Variants in ARHGAP21 observed in about 807,000 individuals in gnomAD.
ARHGAP21 encodes the protein rho GTPase-activating protein 21.
Under a neutral mutation model 164.6 loss-of-function variants are expected in ARHGAP21, and 38 were observed. The ratio of observed to expected loss-of-function variants is 0.23; its 90% CI spans 0.18 to 0.30. The LOEUF is 0.30. ARHGAP21 is among the 10% of genes least tolerant of loss of function. ARHGAP21 has a pLI of 1.00. For synonymous variants in ARHGAP21, 766 were observed against 857.9 expected, an observed-to-expected ratio of 0.89 and a Z score of 1.87; for missense variants, 1,822 against 2,370.7, an observed-to-expected ratio of 0.77 and a Z score of 4.81.
chr10:24,630,798 A>G (rs547518637), intron 6 of ARHGAP21, among the ~76,000 whole-genome samples: 13 of 152,256 alleles, frequency 8.5e-5, no homozygotes, highest in Non-Finnish European at 1.9e-4. Context: ...CAGCCAAGTA[A>G]TATTAAACAT....
intron 2 of ARHGAP21, among the ~76,000 whole-genome samples, chr10:24,718,530 T>C (rs559536303): frequency 1.5e-4 from 23 of 151,428 alleles, no homozygotes; most frequent in African/African-American, 4.4e-4. Context: ...AAGAGGCAGA[T>C]AGAGAGGGAG....
chr10:24,635,307 A>C (rs1836264034), intron 4 of ARHGAP21, among the ~76,000 whole-genome samples: 1 of 152,170 alleles, frequency 6.6e-6, no homozygotes, highest in African/African-American at 2.4e-5. Flanking sequence ...CATAATGACA[A>C]CCACAACACT....
At chr10:24,656,001 G>C (rs1260890776) in intron 4 of ARHGAP21, among the ~76,000 whole-genome samples, 1 of 141,618 alleles carries the variant, frequency 7.1e-6, no homozygotes, top group Admixed American at 6.8e-5. Context: ...TGAGAAGTGA[G>C]GAGCCCCTCC....
At chr10:24,693,355 G>A (rs970554936) in intron 2 of ARHGAP21, among the ~76,000 whole-genome samples, 85 of 148,406 alleles carry the variant, frequency 5.7e-4, no homozygotes, top group African/African-American at 2.0e-3. Context: ...TTTTTTTTGA[G>A]ACAGAGTTTT....
intron 4 of ARHGAP21, among the ~76,000 whole-genome samples, chr10:24,661,792 C>T (rs770014498): frequency 2.0e-5 from 3 of 152,146 alleles, no homozygotes; most frequent in Non-Finnish European, 4.4e-5. Context: ...TAGTTTGTTT[C>T]TGAATAGGTT....
intron 4 of ARHGAP21, among the ~76,000 whole-genome samples, chr10:24,662,034 G>A (rs1593210589): frequency 6.6e-6 from 1 of 152,280 alleles, no homozygotes; most frequent in Middle Eastern, 3.4e-3. Flanking sequence ...GGAGCACTAG[G>A]ACTCCATAAC....
intron 4 of ARHGAP21, among the ~76,000 whole-genome samples, chr10:24,653,184 T>C (rs183985029): frequency 6.6e-6 from 1 of 152,282 alleles, no homozygotes; most frequent in African/African-American, 2.4e-5. Flanking sequence ...ATATGGAACA[T>C]TTCTATTATG....
chr10:24,639,438 G>A (rs540024231), intron 4 of ARHGAP21, among the ~76,000 whole-genome samples: 2 of 152,094 alleles, frequency 1.3e-5, no homozygotes, highest in Non-Finnish European at 2.9e-5. Context: ...ATAATATCTA[G>A]TACATGCAGG....
chr10:24,648,073 A>G (rs747481959), intron 4 of ARHGAP21, among the ~76,000 whole-genome samples: 1 of 152,096 alleles, frequency 6.6e-6, no homozygotes. Context: ...TCCTGACCTC[A>G]GGTGATCCAC....
chr10:24,612,932 C>T (rs1161032967), intron 9 of ARHGAP21, among the ~76,000 whole-genome samples: 1 of 152,078 alleles, frequency 6.6e-6, no homozygotes, highest in Admixed American at 6.6e-5. Flanking sequence ...CTGAGATATA[C>T]ACTCAATTTA....
intron 2 of ARHGAP21, among the ~76,000 whole-genome samples, chr10:24,687,827 G>A (rs908826268): frequency 6.6e-6 from 1 of 152,142 alleles, no homozygotes; most frequent in East Asian, 1.9e-4. Flanking sequence ...TATAGGCTAC[G>A]GAAGAAAAAG....
intron 4 of ARHGAP21, among the ~76,000 whole-genome samples, chr10:24,650,228 AGGCGCAGT>A (rs1309185449): frequency 4.6e-5 from 7 of 152,216 alleles, no homozygotes; most frequent in Non-Finnish European, 7.3e-5. Context: ...TGTTGGAGCC[AGGCGCAGT>A]GGCTCATGCC....
At chr10:24,601,828 CT>C in intron 13 of ARHGAP21, 149 bp downstream of exon 13, 6 of 1,021,418 alleles carry the variant, frequency 5.9e-6, no homozygotes, top group Non-Finnish European at 6.4e-6. Context: ...TTAAGGAATA[CT>C]TTTTTTAATG....
intron 25 of ARHGAP21, among the ~76,000 whole-genome samples, chr10:24,587,097 A>C (rs2076135241): frequency 6.6e-6 from 1 of 152,138 alleles, no homozygotes; most frequent in Non-Finnish European, 1.5e-5. Flanking sequence ...TTACCACAGA[A>C]ACACTGTAGT....
chr10:24,699,565 T>C (rs1478607015), intron 2 of ARHGAP21, among the ~76,000 whole-genome samples: 1 of 152,110 alleles, frequency 6.6e-6, no homozygotes, highest in East Asian at 1.9e-4. Flanking sequence ...CCTCAGGTGA[T>C]CGGCTCACCT....
chr10:24,626,959 T>C (rs954065975), intron 7 of ARHGAP21, among the ~76,000 whole-genome samples: 1 of 152,206 alleles, frequency 6.6e-6, no homozygotes, highest in South Asian at 2.1e-4. Flanking sequence ...AAATGAATTA[T>C]TCTTAATTTT....
chr10:24,589,358 C>G, intron 24 of ARHGAP21, 56 bp from the exon 25 acceptor site: 1 of 1,469,072 alleles, frequency 6.8e-7, no homozygotes, highest in Non-Finnish European at 9.4e-7. Context: ...CTGCTTTCCA[C>G]AAACAATGCA....
At chr10:24,653,163 C>A (rs1304863096) in intron 4 of ARHGAP21, among the ~76,000 whole-genome samples, 2 of 152,190 alleles carry the variant, frequency 1.3e-5, no homozygotes, top group Non-Finnish European at 2.9e-5. Flanking sequence ...GTAACCACTA[C>A]CATAACCATG....
intron 4 of ARHGAP21, among the ~76,000 whole-genome samples, chr10:24,649,857 G>C (rs532366178): frequency 2.0e-5 from 3 of 152,154 alleles, no homozygotes; most frequent in African/African-American, 7.2e-5. Flanking sequence ...CATGTCTGAA[G>C]AAATAAAAAG....
Sources: gnomAD v4.1 joint callset for allele counts (sites outside exome capture counted in the v4.1 genomes callset) on GRCh38, gnomAD v4.1.1 for gene constraint, MANE v1.5 for transcripts, NCBI Gene and HGNC (gene_info 2026-07-23, HGNC 2026-07-21) for gene names.